COL11A2: variants seen among roughly 807,000 people sequenced by gnomAD.
COL11A2 encodes the protein collagen alpha-2(XI) chain.
A neutral mutation model predicts 273.4 loss-of-function variants in COL11A2; 116 were observed. That is an observed-to-expected ratio of 0.42 (90% CI 0.36 to 0.49). The LOEUF (loss-of-function observed/expected upper bound fraction) is 0.49, where lower values mean the gene tolerates loss of function less well. Among genes scored for constraint, COL11A2 ranks in the 20% least tolerant of loss-of-function variants. COL11A2 has a pLI of 0.00. For missense variants in COL11A2, 1,866 were observed against 2,309.0 expected, an observed-to-expected ratio of 0.81 and a Z score of 3.93; for synonymous variants, 782 against 864.2, an observed-to-expected ratio of 0.90 and a Z score of 1.67.
Position 33,169,786 on chromosome 6 carries a change from C to T in COL11A2, c.3690+45G>A, listed in dbSNP as rs201184514. On this transcript the variant is annotated intron_variant, in intron 50 of 65. Transcript: ENST00000341947. This position sits in a 1 kb window ranked among gnomAD's most constrained non-coding sequence, Gnocchi z 5.5. ...AGGAAAAGTGGAGGCAGGGTTGAGGCGGGTGACGGGGACTGGGGAGTAAGG... is the reference window on the plus strand; with the variant it reads ...AGGAAAAGTGGAGGCAGGGTTGAGGTGGGTGACGGGGACTGGGGAGTAAGG... The T allele has an allele frequency of 8.1e-6, 13 of 1,611,232 alleles. No individual in the cohort carries two copies. The South Asian group carries it at 8.8e-5, about 11-fold the overall frequency.
intron 54 of COL11A2, 112 bp downstream of exon 54, chr6:33,168,407 G>A: frequency 8.5e-7 from 1 of 1,171,082 alleles, no homozygotes; most frequent in Non-Finnish European, 1.3e-6. Flanking sequence ...CACACACCCA[G>A]GGCAATGCAG....
At chr6:33,185,597 G>T in intron 6 of COL11A2, 104 bp downstream of exon 6, 1 of 528,828 alleles carries the variant, frequency 1.9e-6, no homozygotes. Context: ...TAAACACACT[G>T]TGCCTCTCCC....
chr6:33,180,380 A>C (rs1375163589), intron 11 of COL11A2, 48 bp from the exon 12 acceptor site: 2 of 1,474,072 alleles, frequency 1.4e-6, no homozygotes, highest in Non-Finnish European at 9.5e-7. Context: ...ATAAGGGGAC[A>C]TCAAGATCTT....
rs931608129 is a variant in COL11A2 at position 33,164,382 on chromosome 6, G to A, written c.4955C>T (p.Ser1652Phe). The stretch of plus-strand genomic sequence containing the variant: ...ACGGGCTGCTCCAGAGCAGGGGTAG[G>A]AGACGTCCTGGTGGGCTGAGACGCT... Reference protein sequence around the residue: ...LLSVSAHQDVSYPCSGAARDG... With the variant: ...LLSVSAHQDVFYPCSGAARDG... The change falls in exon 65 of 66, where the codon TCC becomes TTC. Residue 1652 changes from serine (S) to phenylalanine (F), a missense_variant. Ser to Phe is a radical substitution (Grantham distance 155). Transcript: ENST00000341947. This position sits in a 1 kb window ranked among gnomAD's most constrained non-coding sequence, Gnocchi z 4.7. The A allele has an allele frequency of 3.7e-6, 6 of 1,611,020 alleles. No individual in the cohort carries two copies. The highest frequency in any genetic ancestry group is 1.3e-5 in the African/African-American group (1 of 74,882).
In COL11A2 at chr6:33,165,813, G is replaced by T. The variant is rs762861658; in HGVS notation, c.4486C>A (p.Pro1496Thr). ...AGTGGCTGGATCACCTCGCCTGGGG[G>T]ACCCTGGGTGCAGGGACAGATGGAG... is the stretch of plus-strand genomic sequence containing the variant. ...GVQGPPGHPG[P>T]PGEVIQPLPI... The change falls in exon 63 of 66, where the codon CCC (proline) becomes ACC (threonine). Residue 1496 changes from proline to threonine, a missense_variant. Physicochemically the swap from Pro to Thr is conservative, Grantham distance 38. Coordinates refer to ENST00000341947, the MANE Select transcript of COL11A2 (RefSeq NM_080680.3). The surrounding 1 kb of genome is among the most constrained non-coding windows in gnomAD (Gnocchi z 7.7). 1.2e-6 allele frequency: 2 copies of T among 1,613,542 alleles called. No individual in the cohort carries two copies. Among genetic ancestry groups the T allele is most frequent in the Non-Finnish European group, 1.7e-6 (2 of 1,180,012 alleles).
chr6:33,185,495 C>A (rs765878365), intron 6 of COL11A2, among the ~76,000 whole-genome samples: 1 of 151,926 alleles, frequency 6.6e-6, no homozygotes, highest in Non-Finnish European at 1.5e-5. Flanking sequence ...CCGATGCCCC[C>A]TAGGGGAAGG....
intron 8 of COL11A2, among the ~76,000 whole-genome samples, chr6:33,183,186 C>A (rs989845637): frequency 6.6e-6 from 1 of 152,072 alleles, no homozygotes; most frequent in East Asian, 1.9e-4. Flanking sequence ...CTAAGGGACA[C>A]AGAACAAAAT....
At position 33,184,232 on chromosome 6, in the gene COL11A2, G is replaced by C; in HGVS notation, c.1032C>G (p.Tyr344Ter). ...EGGTDPPEGP[Y>*]DYTYGYGDDY... Reference sequence around the variant, plus strand: ...CATCCCCATAGCCATAGGTGTAATCGTAGGGCCCTTCAGGGGGGTCTGTGC... The same window carrying C: ...CATCCCCATAGCCATAGGTGTAATCCTAGGGCCCTTCAGGGGGGTCTGTGC... Residue 344 changes from tyrosine (Y) to a stop codon, truncating the protein, a stop_gained, in exon 8 of 66, where the codon TAC becomes TAG. Transcript: ENST00000341947. LOFTEE classifies it high-confidence loss of function. 1 of 1,367,606 alleles carries C rather than the reference G, an allele frequency of 7.3e-7. No homozygotes were observed. Among genetic ancestry groups the C allele is most frequent in the African/African-American group, 1.5e-5 (1 of 67,828 alleles). 84.7% of individuals were successfully genotyped at this position (1,367,606 alleles called of 1,614,324 possible). A position where few individuals can be genotyped will look rare whatever the true frequency, so the allele number is the denominator to read the frequency against.
chr6:33,175,291 G>A (rs146066003), intron 30 of COL11A2, among the ~76,000 whole-genome samples: 10 of 152,258 alleles, frequency 6.6e-5, no homozygotes, highest in African/African-American at 2.4e-4. Context: ...CAGAACTCCT[G>A]CTGCTTGGAG....
intron 38 of COL11A2, 93 bp from the exon 39 acceptor site, chr6:33,172,730 AG>A: frequency 9.1e-7 from 1 of 1,096,576 alleles, no homozygotes; most frequent in African/African-American, 1.5e-5. Context: ...ACACTCCTTC[AG>A]AACCCCTTTA....
rs1334760504 is a variant in COL11A2 at position 33,177,758 on chromosome 6, T to C, written c.1873-52A>G. The C allele has an allele frequency of 6.2e-7, 1 of 1,606,256 alleles. No homozygotes were observed. Among genetic ancestry groups the C allele is most frequent in the Non-Finnish European group, 8.5e-7 (1 of 1,174,326 alleles). Reference sequence around the variant, plus strand: ...CCTGAAGGTGGCCCGGAGGGACCTGTGGTTTTCAGAGGCCCGGCCATTCCC... The same window carrying C: ...CCTGAAGGTGGCCCGGAGGGACCTGCGGTTTTCAGAGGCCCGGCCATTCCC... On this transcript the variant is annotated intron_variant, in intron 21 of 65. Coordinates refer to ENST00000341947, the MANE Select transcript of COL11A2 (RefSeq NM_080680.3). The surrounding 1 kb of genome is among the most constrained non-coding windows in gnomAD (Gnocchi z 5.9).
Position 33,169,163 on chromosome 6 carries a change from T to C in COL11A2, c.3799-155A>G, listed in dbSNP as rs181468484. On this transcript the variant is annotated intron_variant, in intron 51 of 65. Transcript: ENST00000341947. This position sits in a 1 kb window ranked among gnomAD's most constrained non-coding sequence, Gnocchi z 5.5. Reference sequence around the variant, plus strand: ...GCACCCCTTTCCCTACCACGTGCACTGCGTGTTGTCTAATTCCTCAAGGTA... The same window carrying C: ...GCACCCCTTTCCCTACCACGTGCACCGCGTGTTGTCTAATTCCTCAAGGTA... Among the ~76,000 whole-genome samples the C allele has an allele frequency of 3.9e-4, 59 of 152,176 alleles. No homozygotes were observed. The highest frequency in any genetic ancestry group is 1.2e-3 in the Admixed American group (19 of 15,290).
rs1347894500 is a variant in COL11A2, at chr6:33,167,966, C to A, written c.3961-114G>T. ...ACATGCACACACACACGTGCATACACAGGGACACGCGCCGAGGGCCGATTC... is the reference window on the plus strand; with the variant it reads ...ACATGCACACACACACGTGCATACAAAGGGACACGCGCCGAGGGCCGATTC... On this transcript the variant is annotated intron_variant, in intron 54 of 65. Coordinates refer to ENST00000341947, the MANE Select transcript of COL11A2 (RefSeq NM_080680.3). The surrounding 1 kb of genome is among the most constrained non-coding windows in gnomAD (Gnocchi z 6.1). 3.6e-6 allele frequency: 4 copies of A among 1,123,902 alleles called. No homozygotes were observed. The highest frequency in any genetic ancestry group is 5.3e-6 in the Non-Finnish European group (4 of 755,312). The allele number at this position is 1,123,902 out of a possible 1,614,324, so 69.6% of individuals were successfully genotyped here.
chr6:33,181,218 G>A, intron 8 of COL11A2, 48 bp from the exon 9 acceptor site: 1 of 1,589,798 alleles, frequency 6.3e-7, no homozygotes, highest in Non-Finnish European at 8.6e-7. Flanking sequence ...TGAGCAGCCA[G>A]GACACTAGGC....
rs1768832677 is a variant in COL11A2, at chr6:33,164,646, C to T, written c.4864-173G>A. On this transcript the variant is annotated intron_variant, in intron 64 of 65. Coordinates refer to ENST00000341947, the MANE Select transcript of COL11A2 (RefSeq NM_080680.3). The surrounding 1 kb of genome is among the most constrained non-coding windows in gnomAD (Gnocchi z 4.7). ...AAAGAAGTGAGGGGCTGAGTGGGAG[C>T]CAGGAGACTGGGGGTACACGAAAGG... 6.6e-6 allele frequency among the ~76,000 whole-genome samples: 1 copy of T among 151,942 alleles called. No homozygotes were observed. Among genetic ancestry groups the T allele is most frequent in the Non-Finnish European group, 1.5e-5 (1 of 67,986 alleles).
At chr6:33,180,406 T>C (rs1212346480) in intron 11 of COL11A2, 74 bp from the exon 12 acceptor site, 1 of 1,309,134 alleles carries the variant, frequency 7.6e-7, no homozygotes, top group African/African-American at 1.5e-5. Context: ...GATTTTGAAA[T>C]ATCCTCTTCA....
In COL11A2 at chr6:33,170,852, T is replaced by A. The variant is rs1004842546; in HGVS notation, c.3432A>T (p.Gly1144=). 1 of 1,612,812 alleles carries A rather than the reference T, an allele frequency of 6.2e-7. No homozygotes were observed. The highest frequency in any genetic ancestry group is 8.5e-7 in the Non-Finnish European group (1 of 1,179,996). The change falls in exon 46 of 66, where the codon GGA becomes GGT. Residue 1144 remains glycine (G), a synonymous_variant. Coordinates refer to ENST00000341947, the MANE Select transcript of COL11A2 (RefSeq NM_080680.3). This position sits in a 1 kb window ranked among gnomAD's most constrained non-coding sequence, Gnocchi z 4.3. ...CTGGGGGCCCATTGAATCCTCTTGT[T>A]CCTTCATCACCTTTGGCTCCAAAGT... The part of the protein sequence containing the change: ...QGHFGAKGDE[G]TRGFNGPPGP...
rs374449361 is a variant in COL11A2 at position 33,171,558 on chromosome 6, A to G, written c.3167T>C (p.Ile1056Thr). 3 of 1,613,800 alleles carry G rather than the reference A, an allele frequency of 1.9e-6. No homozygotes were observed. Among genetic ancestry groups the G allele is most frequent in the African/African-American group, 1.3e-5 (1 of 74,898 alleles). Residue 1056 changes from isoleucine to threonine, a missense_variant, in exon 43 of 66, where the codon ATT becomes ACT. By Grantham distance (89) the Ile-to-Thr change is moderately conservative. Coordinates refer to ENST00000341947, the MANE Select transcript of COL11A2 (RefSeq NM_080680.3). The part of the protein sequence containing the change: ...EKGVPGEKGP[I>T]GPTGRDGVQG... ...CACTCCATCTCGGCCAGTCGGGCCA[A>G]TGGGGCCCTTCTCACCCTGTGGGAC...
At chr6:33,174,439 CTGCATCTG>C (rs1770612253) in intron 31 of COL11A2, 80 bp downstream of exon 31, 8 of 1,545,604 alleles carry the variant, frequency 5.2e-6, no homozygotes, top group African/African-American at 1.4e-5. Flanking sequence ...CCCCACTGCC[CTGCATCTG>C]TGCTTTCTGG....
Sources: allele counts gnomAD v4.1 joint callset (sites outside exome capture counted in the v4.1 genomes callset), GRCh38; gene constraint gnomAD v4.1.1; non-coding constraint Gnocchi (gnomAD v3.1); transcripts MANE v1.5; gene names NCBI Gene and HGNC (gene_info 2026-07-23, HGNC 2026-07-21).